The following SULF1 variants were observed in gnomAD, a reference collection of about 807,000 sequenced individuals.
The protein encoded by SULF1 is sulfatase 1.
SULF1 carries 46 observed loss-of-function variants against 110.5 expected under a neutral mutation model. That is an observed-to-expected ratio of 0.42 (90% confidence interval 0.33 to 0.53). SULF1 has a LOEUF of 0.53. SULF1 is among the 20% of genes least tolerant of loss of function. The pLI is 0.12. For synonymous variants in SULF1, 371 were observed against 387.1 expected (o/e 0.96, Z 0.49); for missense variants, 941 against 1,094.2 (o/e 0.86, Z 1.98).
At chr8:69,644,370 AGGACATTTATAT>A (rs1554598446) in intron 22 of SULF1, among the ~76,000 whole-genome samples, 4 of 152,378 alleles carry the variant, frequency 2.6e-5, no homozygotes, top group Non-Finnish European at 5.9e-5. Flanking sequence ...TGCTGAATGC[AGGACATTTATAT>A]GGATGAAAGA....
At chr8:69,506,500 T>C (rs1811207977) in intron 3 of SULF1, among the ~76,000 whole-genome samples, 1 of 152,224 alleles carries the variant, frequency 6.6e-6, no homozygotes, top group African/African-American at 2.4e-5. Context: ...CCAGTGAGCT[T>C]ATGTTTAAAG....
Position 69,604,812 on chromosome 8 carries a change from A to G in SULF1, c.1257A>G (p.Leu419=), listed in dbSNP as rs772654276. The change falls in exon 13 of 23, where the codon CTA becomes CTG. Residue 419 remains leucine, a synonymous_variant. Transcript: ENST00000402687. ...TCCCTTTTTGTCGAAGCAAATTTCT[A>G]CGTAAGAAGGAAGAATCCAGCAAGA... The part of the protein sequence containing the change: ...DTFLVERGKF[L]RKKEESSKNI... 5 of 1,614,082 alleles carry G rather than the reference A, an allele frequency of 3.1e-6. No homozygotes were observed. The highest frequency in any genetic ancestry group is 1.3e-5 in the African/African-American group (1 of 75,040).
chr8:69,519,105 G>A (rs1047651798), intron 3 of SULF1, among the ~76,000 whole-genome samples: 4 of 152,180 alleles, frequency 2.6e-5, no homozygotes, highest in East Asian at 1.9e-4. Flanking sequence ...CATTTGTCCA[G>A]TTTTCTGGCT....
intron 3 of SULF1, among the ~76,000 whole-genome samples, chr8:69,505,445 G>T (rs536218206): frequency 6.6e-6 from 1 of 152,174 alleles, no homozygotes; most frequent in Non-Finnish European, 1.5e-5. Context: ...AGAAAATTAA[G>T]ATTTTTCCTA....
intron 6 of SULF1, among the ~76,000 whole-genome samples, chr8:69,578,889 T>C (rs1036381983): frequency 1.3e-5 from 2 of 151,970 alleles, no homozygotes; most frequent in African/African-American, 4.8e-5. Flanking sequence ...AGGGGCTGGG[T>C]GCGGTGGCTC....
intron 9 of SULF1, 99 bp from the exon 10 acceptor site, chr8:69,601,555 A>G: frequency 9.2e-7 from 1 of 1,085,314 alleles, no homozygotes; most frequent in East Asian, 2.7e-5. Context: ...CCTTTTAAAA[A>G]TAACAGGAAA....
intron 21 of SULF1, among the ~76,000 whole-genome samples, 156 bp from the exon 22 acceptor site, chr8:69,640,652 C>G (rs1449166739): frequency 1.2e-4 from 18 of 151,900 alleles, no homozygotes. Context: ...GCATTTTGAA[C>G]CTAATAGGAA....
intron 3 of SULF1, among the ~76,000 whole-genome samples, chr8:69,562,399 A>G (rs992303188): frequency 6.6e-6 from 1 of 152,184 alleles, no homozygotes; most frequent in Non-Finnish European, 1.5e-5. Context: ...AGTTATGCCT[A>G]CTTATCCAAT....
At chr8:69,627,994 T>C in intron 17 of SULF1, 128 bp downstream of exon 17, 1 of 895,232 alleles carries the variant, frequency 1.1e-6, no homozygotes, top group South Asian at 1.6e-5. Flanking sequence ...TAACCTAAGC[T>C]ATTTAAGTAA....
chr8:69,512,536 C>T (rs992411815), intron 3 of SULF1, among the ~76,000 whole-genome samples: 1 of 152,196 alleles, frequency 6.6e-6, no homozygotes, highest in African/African-American at 2.4e-5. Flanking sequence ...TCTTTTGGGT[C>T]CCAGATTGCC....
At chr8:69,527,673 G>C (rs753921118) in intron 3 of SULF1, among the ~76,000 whole-genome samples, 1 of 152,146 alleles carries the variant, frequency 6.6e-6, no homozygotes, top group Non-Finnish European at 1.5e-5. Context: ...CAGATAGATA[G>C]AGTGAACAAA....
intron 1 of SULF1, among the ~76,000 whole-genome samples, chr8:69,487,101 G>A (rs1809745591): frequency 6.6e-6 from 1 of 152,168 alleles, no homozygotes; most frequent in South Asian, 2.1e-4. Context: ...TCACAAACTT[G>A]AATCTGCACG....
intron 3 of SULF1, among the ~76,000 whole-genome samples, chr8:69,524,796 C>T (rs1233882264): frequency 6.6e-6 from 1 of 152,126 alleles, no homozygotes; most frequent in Non-Finnish European, 1.5e-5. Context: ...CAATAACATG[C>T]TGCTTCTTTT....
Position 69,629,534 on chromosome 8 carries a change from G to T in SULF1, c.2139G>T (p.Leu713=), listed in dbSNP as rs572372030. The change falls in exon 19 of 23, where the codon CTG becomes CTT. Residue 713 remains leucine, a synonymous_variant. Coordinates refer to ENST00000402687, the MANE Select transcript of SULF1 (RefSeq NM_001128205.2). The stretch of plus-strand genomic sequence containing the variant: ...CTGCTCAGGAAGTAGATAGCAAACT[G>T]CAACTTTTCAAGGAGAACAACCGTA... ...KEAAQEVDSK[L]QLFKENNRRR... is the part of the protein sequence containing the mutation. 1.4e-5 allele frequency: 22 copies of T among 1,613,654 alleles called. No homozygotes were observed. The highest frequency in any genetic ancestry group is 1.9e-5 in the Non-Finnish European group (22 of 1,179,788).
At chr8:69,565,331 G>A (rs1815799608) in intron 5 of SULF1, among the ~76,000 whole-genome samples, 2 of 152,026 alleles carry the variant, frequency 1.3e-5, no homozygotes, top group Non-Finnish European at 1.5e-5. Context: ...TAGTATGTAT[G>A]TAAGTGGTGG....
intron 22 of SULF1, among the ~76,000 whole-genome samples, chr8:69,644,042 AG>A (rs1460827804): frequency 6.6e-6 from 1 of 152,190 alleles, no homozygotes; most frequent in Non-Finnish European, 1.5e-5. Flanking sequence ...TTCCTCTGGC[AG>A]GGCTGCTTCC....
At chr8:69,589,818 T>C (rs1249546101) in intron 8 of SULF1, among the ~76,000 whole-genome samples, 1 of 152,066 alleles carries the variant, frequency 6.6e-6, no homozygotes, top group Admixed American at 6.5e-5. Flanking sequence ...TCTAGATGCT[T>C]TGGCAGCAAA....
chr8:69,636,318 C>T (rs1223116307), intron 19 of SULF1, among the ~76,000 whole-genome samples: 1 of 152,096 alleles, frequency 6.6e-6, no homozygotes, highest in African/African-American at 2.4e-5. Context: ...GGGCAGATCA[C>T]GAGGTCAGGA....
intron 3 of SULF1, among the ~76,000 whole-genome samples, chr8:69,557,312 T>C (rs534872584): frequency 2.6e-5 from 4 of 152,386 alleles, no homozygotes; most frequent in East Asian, 1.9e-4. Context: ...GCTTCAGGAA[T>C]ACTGAGTTCT....
Sources: allele counts gnomAD v4.1 joint callset (sites outside exome capture counted in the v4.1 genomes callset), GRCh38; gene constraint gnomAD v4.1.1; transcripts MANE v1.5; gene names NCBI Gene and HGNC (gene_info 2026-07-23, HGNC 2026-07-21).